VPS37A: variants seen among roughly 807,000 people sequenced by gnomAD.
VPS37A encodes the protein VPS37A subunit of ESCRT-I.
In VPS37A, 30 loss-of-function variants were observed where a neutral mutation model predicts 49.8. The ratio of observed to expected loss-of-function variants is 0.60; its 90% confidence interval spans 0.45 to 0.82. VPS37A has a LOEUF of 0.82. Among genes scored for constraint, VPS37A ranks in the 40% least tolerant of loss-of-function variants. The pLI is 0.00. For missense variants in VPS37A, 593 were observed against 464.4 expected (o/e 1.28, Z -2.55); for synonymous variants, 195 against 160.6 (o/e 1.21, Z -1.62).
At chr8:17,325,455 A>G in the VPS37A span, among the ~76,000 whole-genome samples, 1 of 152,168 alleles carries the variant, frequency 6.6e-6, no homozygotes, top group African/African-American at 2.4e-5. Context: ...AATGCCCATC[A>G]TGTCAGGGAA....
downstream of VPS37A, among the ~76,000 whole-genome samples, chr8:17,303,856 C>T (rs553442277): frequency 1.1e-4 from 17 of 152,110 alleles, no homozygotes; most frequent in Admixed American, 1.3e-4. Flanking sequence ...GTGATCCACC[C>T]GCCTCGGCTA....
At chr8:17,267,265 A>G (rs1813554487) in intron 2 of VPS37A, among the ~76,000 whole-genome samples, 1 of 152,270 alleles carries the variant, frequency 6.6e-6, no homozygotes, top group South Asian at 2.1e-4. Context: ...AGAGGCCAAC[A>G]AGGACCCAGT....
chr8:17,332,348 A>G, the VPS37A span, among the ~76,000 whole-genome samples: 19,820 of 152,240 alleles, frequency 0.13, 1,813 homozygotes, highest in African/African-American at 0.26. Flanking sequence ...GACAAAATTA[A>G]AAGTACCAGC....
chr8:17,304,636 T>G (rs1262616639), downstream of VPS37A: 8 of 1,019,254 alleles, frequency 7.8e-6, no homozygotes, highest in East Asian at 2.0e-4. Flanking sequence ...ACGTGTCTGT[T>G]CGATAGCAGG....
intron 11 of VPS37A, among the ~76,000 whole-genome samples, chr8:17,288,133 GAC>G (rs1401687608): frequency 1.5e-4 from 23 of 152,324 alleles, no homozygotes; most frequent in African/African-American, 5.5e-4. Context: ...AGAAGAAGTA[GAC>G]ACAGAGTAGT....
chr8:17,253,206 A>C (rs775187758), intron 1 of VPS37A, among the ~76,000 whole-genome samples: 20 of 152,214 alleles, frequency 1.3e-4, no homozygotes, highest in Admixed American at 3.9e-4. Flanking sequence ...AACTCCTTCC[A>C]AACCATTTCT....
intron 6 of VPS37A, among the ~76,000 whole-genome samples, chr8:17,277,978 A>G (rs951537799): frequency 2.6e-5 from 4 of 152,080 alleles, no homozygotes; most frequent in Non-Finnish European, 4.4e-5. Flanking sequence ...GTCCATGTAC[A>G]TACATCCATG....
chr8:17,312,403 C>T, the VPS37A span, among the ~76,000 whole-genome samples: 2 of 151,848 alleles, frequency 1.3e-5, no homozygotes, highest in African/African-American at 2.4e-5. Context: ...GGTGAAACCC[C>T]GTCTCTACTA....
intron 9 of VPS37A, among the ~76,000 whole-genome samples, chr8:17,284,061 C>G (rs1392850865): frequency 6.6e-6 from 1 of 152,172 alleles, no homozygotes; most frequent in Admixed American, 6.5e-5. Context: ...TTAATCCCAT[C>G]ATTTTTGCCT....
At chr8:17,271,895 C>A (rs1379780077) in intron 4 of VPS37A, 1 of 440,494 alleles carries the variant, frequency 2.3e-6, no homozygotes, top group Non-Finnish European at 4.5e-6. Flanking sequence ...CTTAGGGAAG[C>A]TAGGAATGAG....
the VPS37A span, among the ~76,000 whole-genome samples, chr8:17,328,075 G>A: frequency 6.6e-6 from 1 of 152,196 alleles, no homozygotes; most frequent in African/African-American, 2.4e-5. Context: ...TAATCTAACA[G>A]TCACGTGGAA....
the VPS37A span, among the ~76,000 whole-genome samples, chr8:17,317,204 T>C: frequency 4.6e-5 from 7 of 152,178 alleles, no homozygotes; most frequent in Non-Finnish European, 8.8e-5. Flanking sequence ...TTTTTGCCTA[T>C]CCATTCACAT....
At chr8:17,291,044 C>T (rs536298496) in intron 11 of VPS37A, among the ~76,000 whole-genome samples, 68 of 152,106 alleles carry the variant, frequency 4.5e-4, no homozygotes, top group Non-Finnish European at 8.2e-4. Context: ...GATGGACTCT[C>T]ATTCTGTTGC....
At position 17,262,956 on chromosome 8, in the gene VPS37A, G is replaced by T. The variant is rs575329577; in HGVS notation, c.126-2951G>T. On this transcript the variant is annotated intron_variant, in intron 1 of 11. Transcript: ENST00000324849. ...TGCACCTGTAGTCCCAGCTACTCAG[G>T]AGACTGAGGCAGGAGAATCGGTTGA... Among the ~76,000 whole-genome samples, 9 of 151,706 alleles carry T rather than the reference G, an allele frequency of 5.9e-5. No individual in the cohort carries two copies. In the South Asian group the frequency reaches 1.9e-3, roughly 32 times the overall value.
chr8:17,290,986 A>AT (rs761150433), intron 11 of VPS37A, among the ~76,000 whole-genome samples: 25 of 151,990 alleles, frequency 1.6e-4, no homozygotes, highest in Non-Finnish European at 2.8e-4. Flanking sequence ...GGTAGGTTGT[A>AT]TTTCTGTGGG....
At chr8:17,300,388 A>G, downstream of VPS37A, 1 of 685,794 alleles carries the variant, frequency 1.5e-6, no homozygotes, top group South Asian at 2.1e-5. Flanking sequence ...CTTGGACAAA[A>G]TCTGTGAGGC....
intron 4 of VPS37A, among the ~76,000 whole-genome samples, 157 bp downstream of exon 4, chr8:17,269,113 T>A (rs886484436): frequency 1.3e-5 from 2 of 152,212 alleles, no homozygotes; most frequent in Non-Finnish European, 2.9e-5. Flanking sequence ...TTTACTCTTT[T>A]ACCTGTTTCT....
intron 1 of VPS37A, among the ~76,000 whole-genome samples, chr8:17,248,592 ATAT>A (rs974735017): frequency 6.6e-6 from 1 of 152,212 alleles, no homozygotes; most frequent in African/African-American, 2.4e-5. Flanking sequence ...CCTTTTAAAA[ATAT>A]TATTTTCATA....
intron 4 of VPS37A, among the ~76,000 whole-genome samples, chr8:17,269,802 G>C (rs1813808746): frequency 6.6e-6 from 1 of 152,110 alleles, no homozygotes; most frequent in African/African-American, 2.4e-5. Context: ...CCTTCCAGTA[G>C]CTTCCTGAAT....
Sources: allele counts gnomAD v4.1 joint callset (sites outside exome capture counted in the v4.1 genomes callset), GRCh38; gene constraint gnomAD v4.1.1; transcripts MANE v1.5; gene names NCBI Gene and HGNC (gene_info 2026-07-23, HGNC 2026-07-21).